CSNK2A2: variants seen among roughly 807,000 people sequenced by gnomAD.
CSNK2A2 encodes casein kinase II subunit alpha'.
CSNK2A2 carries 8 observed loss-of-function variants against 54.0 expected under a neutral mutation model. The observed-to-expected ratio is 0.15, with a 90% confidence interval of 0.09 to 0.27. CSNK2A2 has a LOEUF of 0.27. Among genes scored for constraint, CSNK2A2 ranks in the 10% least tolerant of loss-of-function variants. CSNK2A2 has a pLI of 1.00. For synonymous variants in CSNK2A2, 141 were observed against 153.9 expected (o/e 0.92, Z 0.62); for missense variants, 242 against 439.4 (o/e 0.55, Z 4.02).
At chr16:58,171,780 AATTTT>A (rs1363318953) in intron 5 of CSNK2A2, among the ~76,000 whole-genome samples, 1 of 151,068 alleles carries the variant, frequency 6.6e-6, no homozygotes, top group African/African-American at 2.4e-5. Context: ...TAGGGAACTA[AATTTT>A]ATTTTATTAT....
chr16:58,183,884 G>A (rs1443024203), intron 4 of CSNK2A2, among the ~76,000 whole-genome samples: 3 of 152,092 alleles, frequency 2.0e-5, no homozygotes, highest in Non-Finnish European at 4.4e-5. Flanking sequence ...CCAATGCATT[G>A]CTTCTTTTCA....
intron 4 of CSNK2A2, among the ~76,000 whole-genome samples, chr16:58,180,289 T>C (rs922506460): frequency 6.6e-6 from 1 of 150,790 alleles, no homozygotes. Flanking sequence ...GACAGATCTC[T>C]AGCACGACTG....
intron 4 of CSNK2A2, among the ~76,000 whole-genome samples, chr16:58,175,814 T>A (rs1481964417): frequency 6.6e-6 from 1 of 152,176 alleles, no homozygotes; most frequent in Non-Finnish European, 1.5e-5. Context: ...ATATTTGATT[T>A]CATCAACCTC....
At chr16:58,167,907 A>G in intron 6 of CSNK2A2, 112 bp from the exon 7 acceptor site, 3 of 802,176 alleles carry the variant, frequency 3.7e-6, no homozygotes, top group Non-Finnish European at 6.4e-6. Flanking sequence ...AAAAAATGTG[A>G]GCAGGTGCAC....
At position 58,165,424 on chromosome 16, in the gene CSNK2A2, C is replaced by T. The variant is rs1257020212; in HGVS notation, c.976+136G>A. On this transcript the variant is annotated intron_variant, in intron 10 of 11. Coordinates refer to ENST00000262506, the MANE Select transcript of CSNK2A2 (RefSeq NM_001896.4). ...TCTGCAAAGTTGTCTCAATCATCTA[C>T]GATAAATGAGGCCAAATTCTAGGAA... The T allele has an allele frequency of 7.7e-5, 69 of 893,012 alleles. No homozygotes were observed. The East Asian group carries it at 8.6e-4, about 11-fold the overall frequency. The allele number at this position is 893,012 out of a possible 1,614,324, so 55.3% of individuals were successfully genotyped here. A position where few individuals can be genotyped will look rare whatever the true frequency, so the allele number is the denominator to read the frequency against.
chr16:58,179,482 G>C (rs1442563153), intron 4 of CSNK2A2, among the ~76,000 whole-genome samples: 1 of 149,430 alleles, frequency 6.7e-6, no homozygotes, highest in Non-Finnish European at 1.5e-5. Context: ...GCCTGGGTGA[G>C]AGATAGAGGC....
At chr16:58,193,402 C>T (rs1164918742) in intron 2 of CSNK2A2, among the ~76,000 whole-genome samples, 1 of 152,164 alleles carries the variant, frequency 6.6e-6, no homozygotes, top group Non-Finnish European at 1.5e-5. Context: ...TACCACCACC[C>T]TTTGTTTAAA....
intron 4 of CSNK2A2, 85 bp downstream of exon 4, chr16:58,184,175 C>T: frequency 9.9e-7 from 1 of 1,008,744 alleles, no homozygotes. Flanking sequence ...ACAGCCCTGG[C>T]CCCTTGGGTT....
At chr16:58,161,635 T>C (rs1961374540) in intron 11 of CSNK2A2, 1 of 151,970 alleles carries the variant, frequency 6.6e-6, no homozygotes, top group African/African-American at 2.4e-5. Context: ...TAAATAGTCT[T>C]AAAATTTCGG....
chr16:58,173,694 C>A (rs996523319), intron 5 of CSNK2A2, among the ~76,000 whole-genome samples: 2 of 152,176 alleles, frequency 1.3e-5, no homozygotes, highest in Admixed American at 6.5e-5. Flanking sequence ...GATGACGACA[C>A]ATGGCAAGGA....
intron 11 of CSNK2A2, chr16:58,161,070 A>G (rs1961335313): frequency 1.3e-5 from 2 of 152,272 alleles, no homozygotes; most frequent in Admixed American, 6.5e-5. Flanking sequence ...CCCTGCCTAC[A>G]GGGATAGGAT....
Position 58,172,040 on chromosome 16 carries a change from T to C in CSNK2A2, c.429+2411A>G, listed in dbSNP as rs371406562. ...CTTTGCCATGTTGCCCAGGCTGGTC[T>C]TGAACTCCTGAGCTCAAGCAATCAA... On this transcript the variant is annotated intron_variant, in intron 5 of 11. Transcript: ENST00000262506. Among the ~76,000 whole-genome samples, 38 of 145,226 alleles carry C rather than the reference T, an allele frequency of 2.6e-4. No homozygotes were observed. In the South Asian group the frequency reaches 7.9e-3, roughly 30 times the overall value.
chr16:58,162,268 G>T (rs1280030788), intron 11 of CSNK2A2: 1 of 152,150 alleles, frequency 6.6e-6, no homozygotes, highest in African/African-American at 2.4e-5. Flanking sequence ...TATCAATACA[G>T]GTTTAGCCAA....
chr16:58,167,613 T>C (rs891500264), intron 7 of CSNK2A2, 72 bp downstream of exon 7: 12 of 1,168,454 alleles, frequency 1.0e-5, no homozygotes, highest in Non-Finnish European at 1.5e-5. Flanking sequence ...TCAAACTGAC[T>C]AGATCAACAG....
intron 5 of CSNK2A2, among the ~76,000 whole-genome samples, chr16:58,171,465 G>A (rs1251055876): frequency 1.3e-5 from 2 of 152,082 alleles, no homozygotes; most frequent in Non-Finnish European, 2.9e-5. Flanking sequence ...GGAGGTTGCA[G>A]TGAGCCGAGA....
rs1221882052 is a variant in CSNK2A2 at position 58,197,770 on chromosome 16, G to A, written c.-34C>T. ...GGACCGGGGGGCGGCGCGGGGCGCA[G>A]AGGGTGGCGGCGGCGGCGCGGCGGG... On this transcript the variant is annotated 5_prime_UTR_variant, in exon 1 of 12. Transcript: ENST00000262506. The surrounding 1 kb of genome is among the most constrained non-coding windows in gnomAD (Gnocchi z 4.0). 1 of 794,526 alleles carries A rather than the reference G, an allele frequency of 1.3e-6. No individual in the cohort carries two copies. The highest frequency in any genetic ancestry group is 9.9e-5 in the East Asian group (1 of 10,150). 49.2% of individuals were successfully genotyped at this position (794,526 alleles called of 1,614,324 possible).
chr16:58,188,151 G>C (rs770278302), intron 2 of CSNK2A2, among the ~76,000 whole-genome samples: 1 of 152,172 alleles, frequency 6.6e-6, no homozygotes, highest in Non-Finnish European at 1.5e-5. Context: ...CAGAGAAGGA[G>C]AGGACTATGA....
rs759886053 is a variant in CSNK2A2 at position 58,196,724 on chromosome 16, G to T, written c.216+9C>A. 1.3e-6 allele frequency: 2 copies of T among 1,571,696 alleles called. No individual in the cohort carries two copies. The highest frequency in any genetic ancestry group is 1.8e-6 in the Non-Finnish European group (2 of 1,141,396). On this transcript the variant is annotated intron_variant, in intron 2 of 11. Transcript: ENST00000262506. The stretch of plus-strand genomic sequence containing the variant: ...GGAAAATGTTACATACCACTCATAG[G>T]ACACTCACCTTCAGGATTTTTACAA...
chr16:58,171,999 T>TTTTTTTTG, intron 5 of CSNK2A2, among the ~76,000 whole-genome samples: 1 of 107,552 alleles, frequency 9.3e-6, no homozygotes, highest in African/African-American at 3.8e-5. Context: ...TTTTTTTTTT[T>TTTTTTTTG]TTGGTAGCTA....
Sources: allele counts gnomAD v4.1 joint callset (sites outside exome capture counted in the v4.1 genomes callset), GRCh38; gene constraint gnomAD v4.1.1; non-coding constraint Gnocchi (gnomAD v3.1); transcripts MANE v1.5; gene names NCBI Gene and HGNC (gene_info 2026-07-23, HGNC 2026-07-21).